ARHGEF38: variants seen among roughly 807,000 people sequenced by gnomAD.
ARHGEF38 encodes Rho guanine nucleotide exchange factor (GEF) 38.
A neutral mutation model predicts 79.9 loss-of-function variants in ARHGEF38; 79 were observed. The observed-to-expected ratio is 0.99, with a 90% CI of 0.82 to 1.19. ARHGEF38 has a LOEUF of 1.19. Among genes scored for constraint, ARHGEF38 ranks in the 50% most tolerant of loss-of-function variants. The pLI is 0.00. For synonymous variants in ARHGEF38, 366 were observed against 328.3 expected (o/e 1.11, Z -1.24); for missense variants, 962 against 907.2 (o/e 1.06, Z -0.78).
chr4:105,672,812 G>A (rs746648396), intron 13 of ARHGEF38, among the ~76,000 whole-genome samples: 1 of 152,148 alleles, frequency 6.6e-6, no homozygotes, highest in African/African-American at 2.4e-5. Context: ...TCTTGTTCTG[G>A]TCGGACTAAG....
chr4:105,633,610 G>C (rs1729282098), intron 4 of ARHGEF38, among the ~76,000 whole-genome samples: 1 of 152,198 alleles, frequency 6.6e-6, no homozygotes, highest in East Asian at 1.9e-4. Context: ...ATATCCACGA[G>C]AGAGGTGGCT....
intron 2 of ARHGEF38, among the ~76,000 whole-genome samples, chr4:105,593,620 T>C (rs1015466171): frequency 6.6e-6 from 1 of 152,198 alleles, no homozygotes; most frequent in Non-Finnish European, 1.5e-5. Context: ...CACATTTGTA[T>C]CAAATGGACT....
intron 1 of ARHGEF38, among the ~76,000 whole-genome samples, chr4:105,557,222 T>C (rs1725292269): frequency 6.6e-6 from 1 of 152,142 alleles, no homozygotes; most frequent in Non-Finnish European, 1.5e-5. Flanking sequence ...TATGTGTATA[T>C]ATATGTGTGT....
rs904300657 is a variant in ARHGEF38 at position 105,590,154 on chromosome 4, AAGAG to A, written c.384+733_384+736del. ...AAGAAAGAAAAAAAAGAAAGAAAGA[AAGAG>A]AGAGAGAGAGAGATGGGGACAAACG... On this transcript the variant is annotated intron_variant, in intron 2 of 13. Coordinates refer to ENST00000420470, the MANE Select transcript of ARHGEF38 (RefSeq NM_001242729.2). Among the ~76,000 whole-genome samples the A allele has an allele frequency of 6.0e-5, 9 of 150,376 alleles. No homozygotes were observed. The South Asian group carries it at 1.1e-3, about 18-fold the overall frequency.
intron 10 of ARHGEF38, among the ~76,000 whole-genome samples, chr4:105,660,455 G>T (rs117669772): frequency 2.0e-5 from 3 of 150,304 alleles, no homozygotes; most frequent in African/African-American, 7.3e-5. Context: ...TTTTGGTGGG[G>T]GGGGATGGAG....
chr4:105,586,483 G>A (rs558519477), intron 1 of ARHGEF38, among the ~76,000 whole-genome samples: 2 of 152,218 alleles, frequency 1.3e-5, no homozygotes, highest in East Asian at 3.9e-4. Flanking sequence ...GAAAACCTAA[G>A]CATTTTTTAA....
intron 1 of ARHGEF38, among the ~76,000 whole-genome samples, chr4:105,568,037 G>T (rs942381156): frequency 6.8e-6 from 1 of 146,404 alleles, no homozygotes; most frequent in African/African-American, 2.5e-5. Flanking sequence ...GCGGTGTTTG[G>T]TTTTTTGTTC....
chr4:105,620,923 A>G (rs1451379737), intron 3 of ARHGEF38, among the ~76,000 whole-genome samples: 3 of 152,236 alleles, frequency 2.0e-5, no homozygotes, highest in Non-Finnish European at 2.9e-5. Flanking sequence ...AAGCCTTAGA[A>G]AAGCCTGACA....
intron 13 of ARHGEF38, among the ~76,000 whole-genome samples, chr4:105,673,726 G>A (rs1407393001): frequency 2.0e-5 from 3 of 152,070 alleles, no homozygotes; most frequent in Non-Finnish European, 4.4e-5. Flanking sequence ...AGAGGAAGAT[G>A]GGAGGAAGGA....
At chr4:105,571,694 T>C (rs556362090) in intron 1 of ARHGEF38, among the ~76,000 whole-genome samples, 1 of 152,348 alleles carries the variant, frequency 6.6e-6, no homozygotes, top group East Asian at 1.9e-4. Context: ...TCAGTCTTTA[T>C]ATTTCACAGT....
intron 1 of ARHGEF38, among the ~76,000 whole-genome samples, chr4:105,572,476 C>T (rs968947107): frequency 2.0e-5 from 3 of 152,106 alleles, no homozygotes; most frequent in Admixed American, 2.0e-4. Flanking sequence ...TAAACATCAC[C>T]ACCACCTCCA....
At chr4:105,625,156 G>C (rs1399952942) in intron 3 of ARHGEF38, among the ~76,000 whole-genome samples, 5 of 152,128 alleles carry the variant, frequency 3.3e-5, no homozygotes, top group African/African-American at 9.7e-5. Context: ...TTACTGCATA[G>C]TTTTTCTTGT....
At chr4:105,650,836 C>T (rs917337779) in intron 7 of ARHGEF38, among the ~76,000 whole-genome samples, 2 of 152,172 alleles carry the variant, frequency 1.3e-5, no homozygotes, top group Non-Finnish European at 2.9e-5. Context: ...TTCCTCTTCT[C>T]AACGTGGAAC....
rs572294831 is a variant in ARHGEF38, at chr4:105,552,679, G to A, written c.-87G>A. ...TAGTTAGAAGGGAGCAGATAAACTC[G>A]TCACTCTAGTAGCTTTAACCCTCAC... On this transcript the variant is annotated 5_prime_UTR_variant, in exon 1 of 14. Coordinates refer to ENST00000420470, the MANE Select transcript of ARHGEF38 (RefSeq NM_001242729.2). The A allele has an allele frequency of 4.1e-5, 46 of 1,113,638 alleles. No individual in the cohort carries two copies. Among genetic ancestry groups the A allele is most frequent in the Middle Eastern group, 5.2e-4 (2 of 3,816 alleles). 69.0% of individuals were successfully genotyped at this position (1,113,638 alleles called of 1,614,324 possible). A position where few individuals can be genotyped will look rare whatever the true frequency, so the allele number is the denominator to read the frequency against.
chr4:105,665,483 T>A (rs1031382657), intron 10 of ARHGEF38, among the ~76,000 whole-genome samples: 2 of 149,242 alleles, frequency 1.3e-5, no homozygotes, highest in African/African-American at 2.5e-5. Flanking sequence ...AAAAAAAAAA[T>A]TTTTTTTTTA....
intron 1 of ARHGEF38, among the ~76,000 whole-genome samples, chr4:105,562,744 G>A (rs780743614): frequency 2.6e-5 from 4 of 152,132 alleles, no homozygotes; most frequent in African/African-American, 7.2e-5. Context: ...ATGTAACAAG[G>A]GCCTGAAGTA....
At chr4:105,569,018 C>T (rs910571665) in intron 1 of ARHGEF38, among the ~76,000 whole-genome samples, 3 of 152,032 alleles carry the variant, frequency 2.0e-5, no homozygotes, top group African/African-American at 7.2e-5. Flanking sequence ...AATCTAAATT[C>T]AGGATTATTT....
chr4:105,602,347 A>T (rs1727860349), intron 2 of ARHGEF38, among the ~76,000 whole-genome samples: 1 of 152,174 alleles, frequency 6.6e-6, no homozygotes, highest in Non-Finnish European at 1.5e-5. Flanking sequence ...GGCAACTGGG[A>T]AGAAACAAAT....
chr4:105,669,635 A>G (rs1167551659), intron 13 of ARHGEF38, among the ~76,000 whole-genome samples: 3 of 151,660 alleles, frequency 2.0e-5, no homozygotes, highest in African/African-American at 7.3e-5. Flanking sequence ...TTCATGTCAT[A>G]TAATTAATCC....
Sources: gnomAD v4.1 joint callset for allele counts (sites outside exome capture counted in the v4.1 genomes callset) on GRCh38, gnomAD v4.1.1 for gene constraint, MANE v1.5 for transcripts, NCBI Gene and HGNC (gene_info 2026-07-23, HGNC 2026-07-21) for gene names.